CARS1: variants seen among roughly 807,000 people sequenced by gnomAD.
CARS1 encodes cysteine--tRNA ligase, cytoplasmic.
CARS1 carries 48 observed loss-of-function variants against 106.2 expected under a neutral mutation model. The observed-to-expected ratio is 0.45, with a 90% CI of 0.36 to 0.57. CARS1 has a LOEUF of 0.57. Ranked by LOEUF, CARS1 falls within the 20% of genes least tolerant of loss-of-function variation. CARS1 has a pLI of 0.00. For missense variants in CARS1, 968 were observed against 1,057.2 expected, an observed-to-expected ratio of 0.92 and a Z score of 1.17; for synonymous variants, 409 against 403.4, an observed-to-expected ratio of 1.01 and a Z score of -0.17.
Position 3,001,129 on chromosome 11 carries a change from A to C in CARS1, c.2481T>G (p.Asn827Lys), listed in dbSNP as rs771519267. The change falls in exon 23 of 23, where the codon AAT (asparagine) becomes AAG (lysine). Residue 827 changes from asparagine (N) to lysine (K), a missense_variant. Transcript: ENST00000380525. ...CTGTGCCCCCTCACTGGAAGCTTCC[A>C]TTCTGGGCCATCTGCAGATATTCCT... The part of the protein sequence containing the change: ...LYKEYLQMAQ[N>K]GSFQ 1.3e-5 allele frequency: 21 copies of C among 1,613,964 alleles called. No homozygotes were observed. The highest frequency in any genetic ancestry group is 1.7e-5 in the Non-Finnish European group (20 of 1,180,032).
intron 3 of CARS1, 139 bp downstream of exon 3, chr11:3,042,026 G>T (rs949111584): frequency 1.7e-6 from 1 of 602,734 alleles, no homozygotes; most frequent in Admixed American, 3.1e-5. Flanking sequence ...GTGACTGAAG[G>T]ATCTTAAACC....
chr11:3,052,190 G>A lies in CARS1; in HGVS notation c.26-4189C>T, dbSNP rs1020043172. On this transcript the variant is annotated intron_variant, in intron 1 of 22. Transcript: ENST00000380525. The surrounding 1 kb of genome is among the most constrained non-coding windows in gnomAD (Gnocchi z 4.6). ...TGGGAACTGAAGCCGCTGTGTATCCGCTCTCTGGAGACCTGAGGGGCGGCC... is the reference window on the plus strand; with the variant it reads ...TGGGAACTGAAGCCGCTGTGTATCCACTCTCTGGAGACCTGAGGGGCGGCC... Among the ~76,000 whole-genome samples the A allele has an allele frequency of 1.6e-4, 24 of 152,340 alleles. No homozygotes were observed. The highest frequency in any genetic ancestry group is 1.5e-3 in the East Asian group (8 of 5,194).
In CARS1 at chr11:3,047,253, G is replaced by A. The variant is rs577604964; in HGVS notation, c.274+500C>T. Among the ~76,000 whole-genome samples the A allele has an allele frequency of 1.1e-3, 168 of 149,952 alleles. 1 individual carries two copies. Among genetic ancestry groups the A allele is most frequent in the Non-Finnish European group, 2.0e-3 (132 of 67,532 alleles). On this transcript the variant is annotated intron_variant, in intron 2 of 22. Transcript: ENST00000380525. ...GATCGCACCACTGCACTCCAGCCTG[G>A]GCGATAGAGCGAGACTCCATCTCAA...
At chr11:3,056,285 C>A (rs952787795) in intron 1 of CARS1, among the ~76,000 whole-genome samples, 2 of 152,348 alleles carry the variant, frequency 1.3e-5, no homozygotes, top group East Asian at 3.9e-4. Context: ...CAAGAACTTG[C>A]ATCTAATTTT....
rs1196130822 is a variant in CARS1 at position 3,021,105 on chromosome 11, T to TC, written c.1154-774dup. 6.6e-6 allele frequency among the ~76,000 whole-genome samples: 1 copy of TC among 152,096 alleles called. No homozygotes were observed. The highest frequency in any genetic ancestry group is 1.5e-5 in the Non-Finnish European group (1 of 68,012). ...TCGGTGACACTCAGCCACCTGACAC[T>TC]CAGGGTACAAGGCGGTCTGAGTCCC... On this transcript the variant is annotated intron_variant, in intron 10 of 22. Transcript: ENST00000380525. The surrounding 1 kb of genome is among the most constrained non-coding windows in gnomAD (Gnocchi z 5.3).
intron 10 of CARS1, 44 bp downstream of exon 10, chr11:3,026,632 G>A: frequency 6.2e-7 from 1 of 1,606,230 alleles, no homozygotes; most frequent in Non-Finnish European, 8.5e-7. Flanking sequence ...CCCAGGCTGG[G>A]CCAGGAGGGA....
At position 3,048,275 on chromosome 11, in the gene CARS1, C is replaced by A. The variant is rs1042131718; in HGVS notation, c.26-274G>T. On this transcript the variant is annotated intron_variant, in intron 1 of 22. Transcript: ENST00000380525. This position sits in a 1 kb window ranked among gnomAD's most constrained non-coding sequence, Gnocchi z 5.1. ...ATGAAGGCTGCATGACAACATCATG[C>A]GCCAAATACCACAGAATTGTGTACT... The A allele has an allele frequency of 5.1e-6, 2 of 389,222 alleles. No homozygotes were observed. The highest frequency in any genetic ancestry group is 4.1e-5 in the Admixed American group (1 of 24,450). The allele number at this position is 389,222 out of a possible 1,614,324, so 24.1% of individuals were successfully genotyped here.
rs1462759923 is a variant in CARS1 at position 3,034,620 on chromosome 11, C to G, written c.801+3430G>C. ...TCTCGGCTCACTGCAACCTCTGACT[C>G]CCTGGTTCAAGGGATTCTCCCACCT... On this transcript the variant is annotated intron_variant, in intron 7 of 22. Transcript: ENST00000380525. This position sits in a 1 kb window ranked among gnomAD's most constrained non-coding sequence, Gnocchi z 6.3. Among the ~76,000 whole-genome samples the G allele has an allele frequency of 6.6e-6, 1 of 152,196 alleles. No individual in the cohort carries two copies. Among genetic ancestry groups the G allele is most frequent in the Non-Finnish European group, 1.5e-5 (1 of 68,038 alleles).
rs997525535 is a variant in CARS1, at chr11:3,029,508, G to C, written c.802-65C>G. 2.6e-6 allele frequency: 4 copies of C among 1,563,412 alleles called. No homozygotes were observed. The African/African-American group carries it at 4.0e-5, about 16-fold the overall frequency. ...ACTTCACATGAGAACATCTCGTGCAGCTGGTGTGAGCCCATCAGTGCCCTG... is the reference window on the plus strand; with the variant it reads ...ACTTCACATGAGAACATCTCGTGCACCTGGTGTGAGCCCATCAGTGCCCTG... On this transcript the variant is annotated intron_variant, in intron 7 of 22. Transcript: ENST00000380525. This position sits in a 1 kb window ranked among gnomAD's most constrained non-coding sequence, Gnocchi z 5.9.
Position 3,038,163 on chromosome 11 carries a change from C to G in CARS1, c.688G>C (p.Asp230His). ...ATCCGTTCGAGCATCTGCTTTTTAT[C>G]GGGATCCGTGGTCTCATTTAATTTT... Reference protein sequence around the residue: ...SVKLNETTDPDKKQMLERIQH... With the variant: ...SVKLNETTDPHKKQMLERIQH... The change falls in exon 7 of 23, where the codon GAT (aspartate) becomes CAT (histidine). Residue 230 changes from aspartate (D) to histidine (H), a missense_variant. Coordinates refer to ENST00000380525, the MANE Select transcript of CARS1 (RefSeq NM_001014437.3). This position sits in a 1 kb window ranked among gnomAD's most constrained non-coding sequence, Gnocchi z 4.0. The G allele has an allele frequency of 6.2e-7, 1 of 1,614,112 alleles. No individual in the cohort carries two copies. The highest frequency in any genetic ancestry group is 8.5e-7 in the Non-Finnish European group (1 of 1,179,988).
At chr11:3,014,608 A>G (rs948309025) in intron 17 of CARS1, among the ~76,000 whole-genome samples, 2 of 149,090 alleles carry the variant, frequency 1.3e-5, no homozygotes, top group African/African-American at 2.5e-5. Context: ...AAGAAAATAA[A>G]TATCTTAGTA....
At position 3,020,494 on chromosome 11, in the gene CARS1, G is replaced by C. The variant is rs1165793566; in HGVS notation, c.1154-162C>G. On this transcript the variant is annotated intron_variant, in intron 10 of 22. Coordinates refer to ENST00000380525, the MANE Select transcript of CARS1 (RefSeq NM_001014437.3). This position sits in a 1 kb window ranked among gnomAD's most constrained non-coding sequence, Gnocchi z 4.6. ...TCTTCAAGTTAACTATGTATTACCA[G>C]ATTCTGGTGTTGACCCAGTGTCTAG... Among the ~76,000 whole-genome samples the C allele has an allele frequency of 6.6e-6, 1 of 152,234 alleles. No individual in the cohort carries two copies. The highest frequency in any genetic ancestry group is 1.5e-5 in the Non-Finnish European group (1 of 68,056).
At chr11:3,055,153 A>T (rs1246171557) in intron 1 of CARS1, 1 of 586,430 alleles carries the variant, frequency 1.7e-6, no homozygotes. Flanking sequence ...CACTGAAAGC[A>T]TTTACGATTG....
In CARS1 at chr11:3,020,404, C is replaced by T. The variant is rs767473818; in HGVS notation, c.1154-72G>A. 1.7e-5 allele frequency: 15 copies of T among 874,656 alleles called. No homozygotes were observed. The highest frequency in any genetic ancestry group is 1.2e-4 in the East Asian group (5 of 40,638). The allele number at this position is 874,656 out of a possible 1,614,324, so 54.2% of individuals were successfully genotyped here. ...AGACCCACATGTCTCACTTCAAGGC[C>T]ATCCACGGTGCCTAATGGGCAGTCC... On this transcript the variant is annotated intron_variant, in intron 10 of 22. Coordinates refer to ENST00000380525, the MANE Select transcript of CARS1 (RefSeq NM_001014437.3). This position sits in a 1 kb window ranked among gnomAD's most constrained non-coding sequence, Gnocchi z 4.6.
At chr11:3,023,974 C>T (rs1264672480) in intron 10 of CARS1, among the ~76,000 whole-genome samples, 1 of 152,132 alleles carries the variant, frequency 6.6e-6, no homozygotes, top group Non-Finnish European at 1.5e-5. Flanking sequence ...CTCACTGCAA[C>T]CTCCGCCTCC....
At chr11:3,054,371 C>T (rs559092014) in intron 1 of CARS1, among the ~76,000 whole-genome samples, 1 of 152,220 alleles carries the variant, frequency 6.6e-6, no homozygotes, top group Non-Finnish European at 1.5e-5. Context: ...CCACCCAGAG[C>T]ACCCACACTG....
In CARS1 at chr11:3,003,693, T is replaced by C. The variant is rs1849604015; in HGVS notation, c.2218-1093A>G. 6.6e-6 allele frequency among the ~76,000 whole-genome samples: 1 copy of C among 151,822 alleles called. No homozygotes were observed. Among genetic ancestry groups the C allele is most frequent in the Non-Finnish European group, 1.5e-5 (1 of 67,910 alleles). ...GCTGGCCGAGGGAAAGGGGCTGAGGTGGGGGAGGAGCTGGGCACTGAGCTT... is the reference window on the plus strand; with the variant it reads ...GCTGGCCGAGGGAAAGGGGCTGAGGCGGGGGAGGAGCTGGGCACTGAGCTT... On this transcript the variant is annotated intron_variant, in intron 20 of 22. Transcript: ENST00000380525. The surrounding 1 kb of genome is among the most constrained non-coding windows in gnomAD (Gnocchi z 4.8).
At chr11:3,055,645 A>AAGGC in intron 1 of CARS1, among the ~76,000 whole-genome samples, 1 of 152,358 alleles carries the variant, frequency 6.6e-6, no homozygotes, top group Non-Finnish European at 1.5e-5. Flanking sequence ...CTCCAAAAAG[A>AAGGC]AGGCAATTCT....
chr11:3,024,404 C>T (rs888332081), intron 10 of CARS1, among the ~76,000 whole-genome samples: 4 of 152,046 alleles, frequency 2.6e-5, no homozygotes, highest in Non-Finnish European at 5.9e-5. Context: ...ACATTTTAGA[C>T]GTCCGTCCTG....
Sources: allele counts gnomAD v4.1 joint callset (sites outside exome capture counted in the v4.1 genomes callset), GRCh38; gene constraint gnomAD v4.1.1; non-coding constraint Gnocchi (gnomAD v3.1); transcripts MANE v1.5; gene names NCBI Gene and HGNC (gene_info 2026-07-23, HGNC 2026-07-21).